Variants in MLLT3 observed in about 807,000 individuals in gnomAD.
The protein encoded by MLLT3 is protein AF-9.
MLLT3 carries 4 observed loss-of-function variants against 53.2 expected under a neutral mutation model. The ratio of observed to expected loss-of-function variants is 0.08; its 90% CI spans 0.04 to 0.17. MLLT3 has a LOEUF of 0.17. MLLT3 is among the 10% of genes least tolerant of loss of function. MLLT3 has a pLI of 1.00. For missense variants in MLLT3, 569 were observed against 684.0 expected (o/e 0.83, Z 1.87); for synonymous variants, 283 against 230.6 (o/e 1.23, Z -2.06).
chr9:20,549,360 T>C (rs1045450592), intron 2 of MLLT3, among the ~76,000 whole-genome samples: 6 of 152,176 alleles, frequency 3.9e-5, no homozygotes, highest in African/African-American at 1.2e-4. Context: ...ACAATCTCTG[T>C]TACCAACCCA....
chr9:20,417,278 C>T (rs1020639432), intron 4 of MLLT3, among the ~76,000 whole-genome samples: 1 of 147,876 alleles, frequency 6.8e-6, no homozygotes, highest in African/African-American at 2.5e-5. Context: ...CTCAGATACA[C>T]AGCCAGACAT....
At chr9:20,348,917 G>T (rs954678782) in intron 10 of MLLT3, among the ~76,000 whole-genome samples, 1 of 152,012 alleles carries the variant, frequency 6.6e-6, no homozygotes, top group Non-Finnish European at 1.5e-5. Flanking sequence ...AAGATCAATT[G>T]AACTAAGACT....
At chr9:20,370,281 G>C (rs1821565067) in intron 5 of MLLT3, among the ~76,000 whole-genome samples, 1 of 152,110 alleles carries the variant, frequency 6.6e-6, no homozygotes, top group South Asian at 2.1e-4. Context: ...TGAGATCAGT[G>C]ATCTTTGATG....
intron 2 of MLLT3, among the ~76,000 whole-genome samples, chr9:20,473,445 ATG>A (rs1288644005): frequency 1.3e-5 from 2 of 152,136 alleles, no homozygotes; most frequent in Non-Finnish European, 2.9e-5. Flanking sequence ...ACAAAATAAA[ATG>A]TTCAAGAGTA....
At chr9:20,568,615 T>A (rs1010030643) in intron 2 of MLLT3, among the ~76,000 whole-genome samples, 24 of 152,142 alleles carry the variant, frequency 1.6e-4, no homozygotes, top group African/African-American at 5.5e-4. Context: ...CAAAAATCCA[T>A]ATAAACAAAG....
intron 4 of MLLT3, among the ~76,000 whole-genome samples, chr9:20,443,506 C>G (rs898313051): frequency 5.9e-5 from 9 of 152,138 alleles, no homozygotes; most frequent in African/African-American, 1.9e-4. Flanking sequence ...TACAAACAAG[C>G]ACTTCATACA....
chr9:20,621,920 TGA>T lies in MLLT3; in HGVS notation c.12+323_12+324del. On this transcript the variant is annotated intron_variant, in intron 1 of 10. Coordinates refer to ENST00000380338, the MANE Select transcript of MLLT3 (RefSeq NM_004529.4). This position sits in a 1 kb window ranked among gnomAD's most constrained non-coding sequence, Gnocchi z 7.0. ...CTTCCACCGTGTGTGTGTGTGTGTGTGAGTGCGCGCGTGTGAGCGAGAGGGAG... is the reference window on the plus strand; with the variant it reads ...CTTCCACCGTGTGTGTGTGTGTGTGTGTGCGCGCGTGTGAGCGAGAGGGAG... 5 of 1,377,550 alleles carry T rather than the reference TGA, an allele frequency of 3.6e-6. No homozygotes were observed. The highest frequency in any genetic ancestry group is 3.4e-5 in the South Asian group (2 of 59,326). 85.3% of individuals were successfully genotyped at this position (1,377,550 alleles called of 1,614,324 possible).
At chr9:20,615,031 C>T (rs1264648464) in intron 2 of MLLT3, among the ~76,000 whole-genome samples, 1 of 152,088 alleles carries the variant, frequency 6.6e-6, no homozygotes, top group African/African-American at 2.4e-5. Context: ...CTGCATAATT[C>T]AGGTAATGCA....
At chr9:20,437,609 G>A (rs1347929925) in intron 4 of MLLT3, among the ~76,000 whole-genome samples, 3 of 152,114 alleles carry the variant, frequency 2.0e-5, no homozygotes, top group Admixed American at 6.6e-5. Flanking sequence ...GGGGACGTAA[G>A]AGAAATGACT....
At chr9:20,564,943 A>G (rs1277185247) in intron 2 of MLLT3, among the ~76,000 whole-genome samples, 8 of 152,176 alleles carry the variant, frequency 5.3e-5, no homozygotes, top group African/African-American at 1.9e-4. Context: ...GTAGCACTTA[A>G]TATGACTGGT....
chr9:20,524,812 C>A (rs900993202), intron 2 of MLLT3, among the ~76,000 whole-genome samples: 1 of 152,138 alleles, frequency 6.6e-6, no homozygotes, highest in Non-Finnish European at 1.5e-5. Context: ...CAACTCCACA[C>A]CCCCTCTACC....
chr9:20,582,773 C>G (rs1047022855), intron 2 of MLLT3, among the ~76,000 whole-genome samples: 1 of 152,118 alleles, frequency 6.6e-6, no homozygotes, highest in African/African-American at 2.4e-5. Flanking sequence ...GTGAGAATAA[C>G]ACAGGAAAGA....
At chr9:20,525,769 C>T (rs1818185063) in intron 2 of MLLT3, among the ~76,000 whole-genome samples, 1 of 152,202 alleles carries the variant, frequency 6.6e-6, no homozygotes, top group Admixed American at 6.5e-5. Context: ...TTTAATGTGT[C>T]AGTCCAGGCT....
At chr9:20,479,473 T>C (rs1288542053) in intron 2 of MLLT3, among the ~76,000 whole-genome samples, 4 of 152,128 alleles carry the variant, frequency 2.6e-5, no homozygotes, top group Non-Finnish European at 5.9e-5. Context: ...GAAAAACTAG[T>C]TTATCAAATT....
At chr9:20,356,739 T>G (rs1821180424) in intron 8 of MLLT3, among the ~76,000 whole-genome samples, 1 of 152,188 alleles carries the variant, frequency 6.6e-6, no homozygotes, top group Non-Finnish European at 1.5e-5. Context: ...TTTAGAGAGT[T>G]CTGCCACCTT....
chr9:20,616,664 A>G (rs1248584136), intron 2 of MLLT3, among the ~76,000 whole-genome samples: 3 of 152,186 alleles, frequency 2.0e-5, no homozygotes, highest in African/African-American at 4.8e-5. Flanking sequence ...TGAGATCACA[A>G]TGATTTAGCA....
intron 4 of MLLT3, among the ~76,000 whole-genome samples, chr9:20,443,326 T>C (rs1474881527): frequency 1.3e-5 from 2 of 152,188 alleles, no homozygotes; most frequent in African/African-American, 4.8e-5. Flanking sequence ...AGCACAAGGA[T>C]CCAACTACCT....
chr9:20,345,600 C>T lies in MLLT3; in HGVS notation c.*843G>A, dbSNP rs778218443. 1.9e-5 allele frequency: 4 copies of T among 206,378 alleles called. No individual in the cohort carries two copies. Among genetic ancestry groups the T allele is most frequent in the Non-Finnish European group, 3.0e-5 (3 of 101,142 alleles). 12.8% of individuals were successfully genotyped at this position (206,378 alleles called of 1,614,324 possible). A position where few individuals can be genotyped will look rare whatever the true frequency, so the allele number is the denominator to read the frequency against. ...GAATGTTGATGACAGCTCAACAATG[C>T]TGGATTCAGGACATTTACAGGTACA... On this transcript the variant is annotated 3_prime_UTR_variant, in exon 11 of 11. Transcript: ENST00000380338.
intron 2 of MLLT3, among the ~76,000 whole-genome samples, chr9:20,514,845 T>C (rs1031891729): frequency 1.3e-5 from 2 of 152,052 alleles, no homozygotes; most frequent in Non-Finnish European, 2.9e-5. Flanking sequence ...AAGAAACCAG[T>C]ATTGTGTTCT....
Sources: gnomAD v4.1 joint callset for allele counts (sites outside exome capture counted in the v4.1 genomes callset) on GRCh38, gnomAD v4.1.1 for gene constraint, Gnocchi (gnomAD v3.1) non-coding constraint, MANE v1.5 for transcripts, NCBI Gene and HGNC (gene_info 2026-07-23, HGNC 2026-07-21) for gene names.